Variants in RNF213 observed in about 807,000 individuals in gnomAD.
The protein encoded by RNF213 is E3 ubiquitin-protein ligase RNF213.
Under a neutral mutation model 514.4 loss-of-function variants are expected in RNF213, and 341 were observed. The ratio of observed to expected loss-of-function variants is 0.66; its 90% confidence interval spans 0.61 to 0.73. The LOEUF is 0.73. Ranked by LOEUF, RNF213 falls within the 30% of genes least tolerant of loss-of-function variation. The pLI is 0.00. For missense variants in RNF213, 5,767 were observed against 6,615.6 expected (o/e 0.87, Z 4.45); for synonymous variants, 2,655 against 2,658.2 (o/e 1.00, Z 0.04).
Position 80,377,759 on chromosome 17 carries a change from C to T in RNF213, c.13511-3C>T. ...GCCAATGTGTGTCCTGTTCTCTTCA[C>T]AGCTTGTCCCAACGGCCATCCTTGC... On this transcript the variant is annotated splice_region_variant and splice_polypyrimidine_tract_variant and intron_variant, in intron 53 of 67. Coordinates refer to ENST00000582970, the MANE Select transcript of RNF213 (RefSeq NM_001256071.3). This position sits in a 1 kb window ranked among gnomAD's most constrained non-coding sequence, Gnocchi z 4.1. The T allele has an allele frequency of 6.2e-7, 1 of 1,614,168 alleles. No individual in the cohort carries two copies. Among genetic ancestry groups the T allele is most frequent in the Non-Finnish European group, 8.5e-7 (1 of 1,180,012 alleles).
intron 8 of RNF213, among the ~76,000 whole-genome samples, chr17:80,293,537 G>A (rs544976808): frequency 2.0e-5 from 3 of 151,992 alleles, no homozygotes; most frequent in Non-Finnish European, 4.4e-5. Flanking sequence ...AAAAGGGCAC[G>A]TGGTGGCTGG....
At chr17:80,351,415 G>C (rs1486495387) in intron 31 of RNF213, among the ~76,000 whole-genome samples, 3 of 152,212 alleles carry the variant, frequency 2.0e-5, no homozygotes, top group African/African-American at 7.2e-5. Flanking sequence ...TCTGGTCAAC[G>C]AAGGAATGCC....
chr17:80,340,414 C>T, intron 26 of RNF213, 58 bp downstream of exon 26: 6 of 1,493,710 alleles, frequency 4.0e-6, no homozygotes, highest in Non-Finnish European at 4.5e-6. Context: ...CGGGGCCCTT[C>T]CCCCCTCCAG....
chr17:80,380,809 T>C (rs777858843), intron 55 of RNF213, 22 bp from the exon 56 acceptor site: 1 of 1,614,066 alleles, frequency 6.2e-7, no homozygotes, highest in Non-Finnish European at 8.5e-7. Flanking sequence ...GCCTCTGTCT[T>C]GTGTTCTCTC....
In RNF213 at chr17:80,397,582, C is replaced by T. The variant is rs2080689505; in HGVS notation, c.*4084C>T. 1 of 152,050 alleles carries T rather than the reference C, an allele frequency of 6.6e-6. No individual in the cohort carries two copies. Among genetic ancestry groups the T allele is most frequent in the South Asian group, 2.1e-4 (1 of 4,814 alleles). The allele number at this position is 152,050 out of a possible 1,614,324, so 9.4% of individuals were successfully genotyped here. On this transcript the variant is annotated 3_prime_UTR_variant, in exon 68 of 68. Transcript: ENST00000582970. ...ATTACGGGTGCATGCAGCCCCCAGT[C>T]ACGTACCCCCTGCTTGCTCAATCAA...
At chr17:80,315,783 GGTGGT>G in intron 15 of RNF213, 1 of 43,574 alleles carries the variant, frequency 2.3e-5, no homozygotes, top group African/African-American at 7.8e-5. Context: ...TGGTGGTGGT[GGTGGT>G]GGTGGTGGTG....
intron 17 of RNF213, among the ~76,000 whole-genome samples, chr17:80,323,836 G>GA (rs376634963): frequency 1.1e-5 from 1 of 91,828 alleles, no homozygotes; most frequent in Non-Finnish European, 2.9e-5. Flanking sequence ...CTTTTTTTTG[G>GA]GGGGGGGTGC....
intron 2 of RNF213, among the ~76,000 whole-genome samples, chr17:80,268,723 A>G (rs2145109693): frequency 6.6e-6 from 1 of 152,136 alleles, no homozygotes; most frequent in African/African-American, 2.4e-5. Context: ...CATCTTATCT[A>G]TCTATCCTAT....
At chr17:80,298,946 TG>T (rs1332135074) in intron 11 of RNF213, among the ~76,000 whole-genome samples, 3 of 152,158 alleles carry the variant, frequency 2.0e-5, no homozygotes, top group African/African-American at 7.2e-5. Flanking sequence ...GCTACTGCAC[TG>T]TAGCTTGGGC....
chr17:80,328,626 T>C, intron 20 of RNF213, 149 bp downstream of exon 20: 1 of 677,312 alleles, frequency 1.5e-6, no homozygotes, highest in Non-Finnish European at 2.3e-6. Flanking sequence ...GGGATCGCTT[T>C]CACCTCTTTT....
Position 80,383,040 on chromosome 17 carries a change from A to C in RNF213, c.14040A>C (p.Glu4680Asp), listed in dbSNP as rs1414040054. The change falls in exon 58 of 68, where the codon GAA becomes GAC. Residue 4680 changes from glutamate (E) to aspartate (D), a missense_variant. Glu to Asp is a conservative substitution (Grantham distance 45). Around this residue, in one of 13 missense-constraint regions of RNF213, gnomAD observed 1,245 missense variants for 1,339.0 expected, o/e 0.93. Transcript: ENST00000582970. Reference sequence around the variant, plus strand: ...AAATGAGGAACAACTGGGAAAAGGAAATCGCAGCTGTGATTTCTCCTGAAC... The same window carrying C: ...AAATGAGGAACAACTGGGAAAAGGACATCGCAGCTGTGATTTCTCCTGAAC... ...TKEMRNNWEK[E>D]IAAVISPELE... The C allele has an allele frequency of 6.2e-7, 1 of 1,613,942 alleles. No homozygotes were observed. The highest frequency in any genetic ancestry group is 8.5e-7 in the Non-Finnish European group (1 of 1,179,822).
rs1247118399 is a variant in RNF213, at chr17:80,345,927, C to T, written c.7592C>T (p.Ser2531Phe). 1.2e-6 allele frequency: 2 copies of T among 1,614,222 alleles called. No homozygotes were observed. The change falls in exon 29 of 68, where the codon TCT (serine) becomes TTT (phenylalanine). Residue 2531 changes from serine (S) to phenylalanine (F), a missense_variant. Transcript: ENST00000582970. The surrounding 1 kb of genome is among the most constrained non-coding windows in gnomAD (Gnocchi z 6.0). ...GCCTGCAATCCATACCGGAAGCACT[C>T]TGAGGAGATGATCTGCCGTTTGGAG... The part of the protein sequence containing the change: ...IAACNPYRKH[S>F]EEMICRLESA...
chr17:80,346,190 C>T lies in RNF213; in HGVS notation c.7855C>T (p.Leu2619Phe), dbSNP rs566511895. 12 of 1,614,222 alleles carry T rather than the reference C, an allele frequency of 7.4e-6. No homozygotes were observed. The East Asian group carries it at 2.2e-4, about 30-fold the overall frequency. The change falls in exon 29 of 68, where the codon CTC becomes TTC. Residue 2619 changes from leucine to phenylalanine, a missense_variant. Physicochemically the swap from Leu to Phe is conservative, Grantham distance 22 (BLOSUM62 0). Around this residue, in one of 13 missense-constraint regions of RNF213, gnomAD observed 1,377 missense variants for 1,635.2 expected, o/e 0.84. Coordinates refer to ENST00000582970, the MANE Select transcript of RNF213 (RefSeq NM_001256071.3). This position sits in a 1 kb window ranked among gnomAD's most constrained non-coding sequence, Gnocchi z 8.1. ...CGGGACTCGCGTGATCACAGAAGTC[C>T]TCTGCGCCTCTCAGGGTTTCATGAG... ...ENGTRVITEV[L>F]CASQGFMRKT...
At chr17:80,385,743 G>A in intron 61 of RNF213, 122 bp downstream of exon 61, 1 of 846,972 alleles carries the variant, frequency 1.2e-6, no homozygotes, top group Non-Finnish European at 1.9e-6. Context: ...TTGTTTTTGA[G>A]ATGGAGTCTT....
At chr17:80,360,685 C>A (rs1190733284) in intron 38 of RNF213, among the ~76,000 whole-genome samples, 1 of 152,226 alleles carries the variant, frequency 6.6e-6, no homozygotes, top group Non-Finnish European at 1.5e-5. Context: ...TCTCCCGAGT[C>A]ACAGCCCAGA....
At chr17:80,281,509 ACAC>A (rs1438984408) in intron 3 of RNF213, among the ~76,000 whole-genome samples, 9 of 114,228 alleles carry the variant, frequency 7.9e-5, no homozygotes, top group Admixed American at 9.9e-5. Flanking sequence ...ACTCACACAC[ACAC>A]CCCAACACAC....
At chr17:80,320,144 C>A in intron 17 of RNF213, 1 of 448,570 alleles carries the variant, frequency 2.2e-6, no homozygotes, top group Non-Finnish European at 3.0e-6. Context: ...TTCATCACTT[C>A]AAAGAGAAAC....
At chr17:80,361,910 A>G in intron 39 of RNF213, 22 bp downstream of exon 39, 1 of 1,607,178 alleles carries the variant, frequency 6.2e-7, no homozygotes, top group African/African-American at 1.3e-5. Context: ...GATACTGGCT[A>G]AGGGTCAGGT....
chr17:80,289,489 C>G (rs1170882574), intron 5 of RNF213, among the ~76,000 whole-genome samples, 170 bp from the exon 6 acceptor site: 1 of 151,656 alleles, frequency 6.6e-6, no homozygotes, highest in Non-Finnish European at 1.5e-5. Flanking sequence ...ACTCGGGAGG[C>G]TGTCGCAGGA....
Sources: gnomAD v4.1 joint callset for allele counts (sites outside exome capture counted in the v4.1 genomes callset) on GRCh38, gnomAD v4.1.1 for gene constraint, gnomAD v4.1.1 regional missense constraint, Gnocchi (gnomAD v3.1) non-coding constraint, MANE v1.5 for transcripts, NCBI Gene and HGNC (gene_info 2026-07-23, HGNC 2026-07-21) for gene names.